The following FRMD5 variants were observed in gnomAD, a reference collection of about 807,000 sequenced individuals.
FRMD5 encodes the protein FERM domain containing 5.
A neutral mutation model predicts 69.0 loss-of-function variants in FRMD5; 20 were observed. The ratio of observed to expected loss-of-function variants is 0.29; its 90% CI spans 0.20 to 0.42. The LOEUF is 0.42. FRMD5 is among the 10% of genes least tolerant of loss of function. The pLI is 1.00. For synonymous variants in FRMD5, 271 were observed against 260.1 expected (o/e 1.04, Z -0.40); for missense variants, 595 against 708.6 (o/e 0.84, Z 1.82).
chr15:43,971,632 A>G (rs892204361), intron 1 of FRMD5, among the ~76,000 whole-genome samples: 31 of 151,458 alleles, frequency 2.0e-4, no homozygotes, highest in African/African-American at 7.2e-4. Context: ...TGCATCTAAA[A>G]AAAAAAAAAA....
intron 6 of FRMD5, 73 bp downstream of exon 6, chr15:43,905,755 A>G (rs1948483733): frequency 3.2e-6 from 5 of 1,583,290 alleles, no homozygotes; most frequent in Non-Finnish European, 2.6e-6. Context: ...AGAACAGAGG[A>G]CACGGCGTGG....
chr15:43,899,468 C>A (rs1241846379), intron 7 of FRMD5, among the ~76,000 whole-genome samples: 1 of 152,172 alleles, frequency 6.6e-6, no homozygotes, highest in Admixed American at 6.5e-5. Context: ...AGTTCAAATT[C>A]TTGCTCTACC....
Position 43,873,360 on chromosome 15 carries a change from TAA to T in FRMD5, c.*523_*524del. 3.4e-6 allele frequency: 5 copies of T among 1,468,598 alleles called. No homozygotes were observed. The highest frequency in any genetic ancestry group is 4.5e-6 in the Non-Finnish European group (5 of 1,117,696). 91.0% of individuals were successfully genotyped at this position (1,468,598 alleles called of 1,614,324 possible). On this transcript the variant is annotated 3_prime_UTR_variant, in exon 14 of 14. Transcript: ENST00000417257. ...CTGGCAAAAAAAACAAACAAAAAAC[TAA>T]ACAGTCCCCATTGTCCAGATCCCTG... is the stretch of plus-strand genomic sequence containing the variant.
At chr15:44,073,991 T>C (rs1176557980) in intron 1 of FRMD5, among the ~76,000 whole-genome samples, 1 of 152,182 alleles carries the variant, frequency 6.6e-6, no homozygotes, top group Non-Finnish European at 1.5e-5. Flanking sequence ...CCATGTATTC[T>C]TAAAAAGGAG....
At chr15:43,963,916 G>A (rs182467156) in intron 1 of FRMD5, among the ~76,000 whole-genome samples, 1 of 152,176 alleles carries the variant, frequency 6.6e-6, no homozygotes, top group East Asian at 1.9e-4. Context: ...TGGGGTTAGG[G>A]GAGGGCGGAG....
Position 43,873,099 on chromosome 15 carries a change from C to T in FRMD5, c.*786G>A, listed in dbSNP as rs185851606. ...GAGGTTCTTCGGAAAAAAAAAATCACGTTAAGTCTAGTTTCATTATACAAA... is the reference window on the plus strand; with the variant it reads ...GAGGTTCTTCGGAAAAAAAAAATCATGTTAAGTCTAGTTTCATTATACAAA... On this transcript the variant is annotated 3_prime_UTR_variant, in exon 14 of 14. Coordinates refer to ENST00000417257, the MANE Select transcript of FRMD5 (RefSeq NM_032892.5). 7 of 1,374,644 alleles carry T rather than the reference C, an allele frequency of 5.1e-6. No homozygotes were observed. The highest frequency in any genetic ancestry group is 2.6e-5 in the South Asian group (2 of 75,986). 85.2% of individuals were successfully genotyped at this position (1,374,644 alleles called of 1,614,324 possible).
At chr15:44,085,866 A>G (rs1894177108) in intron 1 of FRMD5, among the ~76,000 whole-genome samples, 1 of 152,142 alleles carries the variant, frequency 6.6e-6, no homozygotes, top group Non-Finnish European at 1.5e-5. Flanking sequence ...CCATATATAC[A>G]TTATCCTCTA....
At chr15:44,144,137 C>T (rs1566969262) in intron 1 of FRMD5, among the ~76,000 whole-genome samples, 1 of 152,012 alleles carries the variant, frequency 6.6e-6, no homozygotes, top group Admixed American at 6.6e-5. Flanking sequence ...TGCCAGTGTT[C>T]GTCATACTTC....
chr15:43,946,259 T>C (rs2089945429), intron 1 of FRMD5, among the ~76,000 whole-genome samples: 1 of 152,220 alleles, frequency 6.6e-6, no homozygotes, highest in Admixed American at 6.5e-5. Context: ...TGGTTAGCCA[T>C]GCAACTACAG....
intron 1 of FRMD5, among the ~76,000 whole-genome samples, chr15:44,108,025 T>C (rs1173696364): frequency 6.6e-6 from 1 of 152,072 alleles, no homozygotes; most frequent in African/African-American, 2.4e-5. Context: ...AGACCAGGGG[T>C]AAACAAATTA....
intron 1 of FRMD5, among the ~76,000 whole-genome samples, chr15:44,020,264 T>C (rs1234382649): frequency 6.6e-6 from 1 of 152,170 alleles, no homozygotes; most frequent in African/African-American, 2.4e-5. Flanking sequence ...TAATGCTGCT[T>C]GTTCATAAAG....
intron 1 of FRMD5, among the ~76,000 whole-genome samples, chr15:44,006,445 T>G (rs1159874319): frequency 6.6e-6 from 1 of 152,208 alleles, no homozygotes; most frequent in Admixed American, 6.5e-5. Flanking sequence ...AGCCCATGGA[T>G]CAAGGAGTAA....
intron 1 of FRMD5, among the ~76,000 whole-genome samples, chr15:43,997,158 G>C (rs1460915521): frequency 6.6e-6 from 1 of 152,120 alleles, no homozygotes; most frequent in African/African-American, 2.4e-5. Flanking sequence ...AATGCTGCTA[G>C]CACCAGAAAG....
At chr15:44,122,693 G>A (rs1363700800) in intron 1 of FRMD5, among the ~76,000 whole-genome samples, 1 of 152,202 alleles carries the variant, frequency 6.6e-6, no homozygotes, top group African/African-American at 2.4e-5. Context: ...GAGGTCAGGA[G>A]ATGGAGATCA....
chr15:43,892,811 AGG>A (rs1424869163), intron 7 of FRMD5, among the ~76,000 whole-genome samples: 2 of 152,234 alleles, frequency 1.3e-5, no homozygotes, highest in African/African-American at 4.8e-5. Context: ...ACACTTTAAA[AGG>A]GCACATATCG....
At chr15:43,951,294 C>A (rs1295114747) in intron 1 of FRMD5, among the ~76,000 whole-genome samples, 1 of 151,772 alleles carries the variant, frequency 6.6e-6, no homozygotes, top group South Asian at 2.1e-4. Context: ...TGGTGGCGGG[C>A]ACCTGTAGTC....
chr15:44,133,921 A>G (rs2077143187), intron 1 of FRMD5, among the ~76,000 whole-genome samples: 1 of 152,100 alleles, frequency 6.6e-6, no homozygotes, highest in Non-Finnish European at 1.5e-5. Flanking sequence ...GAGATTGTAA[A>G]TAATAATAAT....
intron 1 of FRMD5, among the ~76,000 whole-genome samples, chr15:44,185,129 T>A (rs966668171): frequency 1.3e-4 from 20 of 152,216 alleles, no homozygotes; most frequent in African/African-American, 4.1e-4. Flanking sequence ...GCTGTGCTGC[T>A]TAGTTGGTTC....
At chr15:43,881,383 C>G (rs941628959) in intron 13 of FRMD5, among the ~76,000 whole-genome samples, 2 of 152,212 alleles carry the variant, frequency 1.3e-5, no homozygotes, top group African/African-American at 4.8e-5. Context: ...AAGCTCAGTT[C>G]TCCGGGTCAG....
Sources: gnomAD v4.1 joint callset for allele counts (sites outside exome capture counted in the v4.1 genomes callset) on GRCh38, gnomAD v4.1.1 for gene constraint, MANE v1.5 for transcripts, NCBI Gene and HGNC (gene_info 2026-07-23, HGNC 2026-07-21) for gene names.